KIF13A: variants seen among roughly 807,000 people sequenced by gnomAD.
KIF13A encodes the protein kinesin family member 13A.
KIF13A carries 79 observed loss-of-function variants against 212.2 expected under a neutral mutation model. That is an observed-to-expected ratio of 0.37 (90% CI 0.31 to 0.45). The LOEUF is 0.45. KIF13A is among the 20% of genes least tolerant of loss of function. KIF13A has a pLI of 1.00. For missense variants in KIF13A, 1,901 were observed against 2,209.0 expected (o/e 0.86, Z 2.79); for synonymous variants, 789 against 808.6 (o/e 0.98, Z 0.41).
intron 2 of KIF13A, among the ~76,000 whole-genome samples, chr6:17,974,670 A>G (rs1304678219): frequency 6.7e-6 from 1 of 149,464 alleles, no homozygotes; most frequent in Non-Finnish European, 1.5e-5. Flanking sequence ...TTTAAAAAAA[A>G]TCCTAGTGTC....
chr6:17,950,204 TGTGA>T (rs138848034), intron 2 of KIF13A, among the ~76,000 whole-genome samples: 8,959 of 152,150 alleles, frequency 0.059, 337 homozygotes, highest in East Asian at 0.11. Context: ...AGTCTCAGAG[TGTGA>T]GTATCTGATT....
intron 16 of KIF13A, chr6:17,821,879 C>T (rs1225741571): frequency 1.3e-6 from 2 of 1,535,298 alleles, no homozygotes; most frequent in East Asian, 2.4e-5. Context: ...GACCACCAGG[C>T]AGACAGGCTT....
rs1772814107 is a variant in KIF13A at position 17,898,902 on chromosome 6, C to A, written c.147-722G>T. The stretch of plus-strand genomic sequence containing the variant: ...TCAGGATGGAGTGCAGTGATGTGAT[C>A]ATGGCTCAGTGCAACCTTGAACTCC... On this transcript the variant is annotated intron_variant, in intron 2 of 38. Transcript: ENST00000259711. The surrounding 1 kb of genome is among the most constrained non-coding windows in gnomAD (Gnocchi z 5.2). 1.3e-5 allele frequency among the ~76,000 whole-genome samples: 2 copies of A among 152,160 alleles called. No individual in the cohort carries two copies. The highest frequency in any genetic ancestry group is 4.1e-4 in the South Asian group (2 of 4,828).
chr6:17,917,900 T>C (rs1774686622), intron 2 of KIF13A, among the ~76,000 whole-genome samples: 1 of 152,072 alleles, frequency 6.6e-6, no homozygotes, highest in Non-Finnish European at 1.5e-5. Context: ...CAAGAATTCA[T>C]AACACTTCCA....
chr6:17,796,510 G>C (rs1372903609), intron 23 of KIF13A, among the ~76,000 whole-genome samples, 159 bp downstream of exon 23: 1 of 150,038 alleles, frequency 6.7e-6, no homozygotes, highest in African/African-American at 2.4e-5. Flanking sequence ...CAAAGTGCTG[G>C]ATTACAGGCA....
chr6:17,851,867 A>G, intron 7 of KIF13A, 88 bp downstream of exon 7: 3 of 608,422 alleles, frequency 4.9e-6, no homozygotes, highest in Non-Finnish European at 8.0e-6. Context: ...ATTCTGCTAT[A>G]AAGCATCCAC....
intron 2 of KIF13A, among the ~76,000 whole-genome samples, chr6:17,932,248 G>C (rs1414237144): frequency 1.3e-5 from 2 of 152,092 alleles, no homozygotes; most frequent in Non-Finnish European, 2.9e-5. Flanking sequence ...TTTGGCACCA[G>C]GCTTATATTT....
At chr6:17,784,444 A>C (rs993998798) in intron 28 of KIF13A, among the ~76,000 whole-genome samples, 6 of 151,842 alleles carry the variant, frequency 4.0e-5, no homozygotes, top group African/African-American at 1.5e-4. Context: ...AAACAAAAAA[A>C]CCCAACTTGC....
chr6:17,866,099 G>A (rs1265818249), intron 4 of KIF13A, among the ~76,000 whole-genome samples: 1 of 152,092 alleles, frequency 6.6e-6, no homozygotes, highest in Non-Finnish European at 1.5e-5. Context: ...CATACAGGAG[G>A]GTGTTTCCCA....
chr6:17,833,014 C>CAAAA (rs61281213), intron 12 of KIF13A, among the ~76,000 whole-genome samples: 5 of 75,380 alleles, frequency 6.6e-5, no homozygotes, highest in African/African-American at 1.4e-4. Flanking sequence ...ACTCTGTCTG[C>CAAAA]AAAAAAAAAA....
At chr6:17,964,229 C>T (rs1779104735) in intron 2 of KIF13A, among the ~76,000 whole-genome samples, 1 of 152,218 alleles carries the variant, frequency 6.6e-6, no homozygotes, top group Non-Finnish European at 1.5e-5. Flanking sequence ...CAACTCTCTT[C>T]CTTCTCTTAC....
At chr6:17,924,433 T>C in intron 2 of KIF13A, among the ~76,000 whole-genome samples, 1 of 152,216 alleles carries the variant, frequency 6.6e-6, no homozygotes, top group Admixed American at 6.5e-5. Context: ...GTGTGTTTGA[T>C]GTCCCTTTTT....
chr6:17,808,983 C>T lies in KIF13A; in HGVS notation c.2001-53G>A, dbSNP rs553826671. 2.4e-5 allele frequency: 35 copies of T among 1,459,306 alleles called. No homozygotes were observed. In the Admixed American group the frequency reaches 3.0e-4, roughly 13 times the overall value. 90.4% of individuals were successfully genotyped at this position (1,459,306 alleles called of 1,614,324 possible). On this transcript the variant is annotated intron_variant, in intron 17 of 38. Coordinates refer to ENST00000259711, the MANE Select transcript of KIF13A (RefSeq NM_022113.6). ...AAAATCTAAAGGAAAACTGCAATCC[C>T]GTTTCTAAGTGAGCATCTTATTAGA...
chr6:17,869,020 A>AAAAAAAC lies in KIF13A; in HGVS notation c.220+4356_220+4357insGTTTTTT, dbSNP rs1769736972. Among the ~76,000 whole-genome samples, 13 of 124,040 alleles carry AAAAAAAC rather than the reference A, an allele frequency of 1.0e-4. 1 individual carries two copies. The South Asian group carries it at 3.3e-3, about 32-fold the overall frequency. 81.4% of individuals were successfully genotyped at this position (124,040 alleles called of 152,430 possible). On this transcript the variant is annotated intron_variant, in intron 4 of 38. Coordinates refer to ENST00000259711, the MANE Select transcript of KIF13A (RefSeq NM_022113.6). ...AAAAAAAAAAAAAAAAAAAAAAAAA[A>AAAAAAAC]CACAAATAAATAAAATGTAAAATAC... is the stretch of plus-strand genomic sequence containing the variant.
At chr6:17,765,558 A>C (rs1267213121) in intron 38 of KIF13A, among the ~76,000 whole-genome samples, 1 of 152,204 alleles carries the variant, frequency 6.6e-6, no homozygotes, top group African/African-American at 2.4e-5. Context: ...ACAATCTGAC[A>C]ATTACGGTCT....
chr6:17,796,265 G>A (rs1203917813), intron 23 of KIF13A, among the ~76,000 whole-genome samples: 3 of 148,198 alleles, frequency 2.0e-5, no homozygotes, highest in Admixed American at 1.4e-4. Context: ...GCAGTGGCAC[G>A]ATCTTGGCTC....
intron 2 of KIF13A, among the ~76,000 whole-genome samples, chr6:17,927,743 T>G (rs1775611345): frequency 6.6e-6 from 1 of 152,230 alleles, no homozygotes; most frequent in African/African-American, 2.4e-5. Context: ...TGCTAGGTAC[T>G]GAGACAGAGA....
intron 2 of KIF13A, among the ~76,000 whole-genome samples, chr6:17,974,318 T>G (rs888488195): frequency 2.6e-5 from 4 of 152,128 alleles, no homozygotes; most frequent in Non-Finnish European, 4.4e-5. Flanking sequence ...GACCTCATGA[T>G]CTGCCCACCT....
chr6:17,841,879 C>T (rs1766539013), intron 9 of KIF13A, among the ~76,000 whole-genome samples: 1 of 151,890 alleles, frequency 6.6e-6, no homozygotes, highest in Non-Finnish European at 1.5e-5. Context: ...AATCCCAAAA[C>T]CTGTTAGAAA....
Sources: allele counts gnomAD v4.1 joint callset (sites outside exome capture counted in the v4.1 genomes callset), GRCh38; gene constraint gnomAD v4.1.1; non-coding constraint Gnocchi (gnomAD v3.1); transcripts MANE v1.5; gene names NCBI Gene and HGNC (gene_info 2026-07-23, HGNC 2026-07-21).